Variants in SMG1 observed in about 807,000 individuals in gnomAD.
SMG1 encodes the protein SMG1 nonsense mediated mRNA decay associated PI3K related kinase, also known as serine/threonine-protein kinase SMG1.
SMG1 carries 22 observed loss-of-function variants against 419.9 expected under a neutral mutation model. The ratio of observed to expected loss-of-function variants is 0.05; its 90% CI spans 0.04 to 0.07. The LOEUF (loss-of-function observed/expected upper bound fraction) is 0.07, where lower values mean the gene tolerates loss of function less well. Among genes scored for constraint, SMG1 ranks in the 10% least tolerant of loss-of-function variants. The pLI, the probability that SMG1 is intolerant of heterozygous loss-of-function variation, is 1.00. For synonymous variants in SMG1, 1,538 were observed against 1,553.5 expected, an observed-to-expected ratio of 0.99 and a Z score of 0.23; for missense variants, 3,185 against 4,342.0, an observed-to-expected ratio of 0.73 and a Z score of 7.49.
chr16:18,904,035 T>G (rs904333319), intron 1 of SMG1, among the ~76,000 whole-genome samples: 19 of 149,872 alleles, frequency 1.3e-4, no homozygotes, highest in African/African-American at 4.2e-4. Context: ...CCTCCCGGAT[T>G]CACGCCATTC....
At chr16:18,827,455 C>G (rs894685652) in intron 55 of SMG1, among the ~76,000 whole-genome samples, 1 of 137,878 alleles carries the variant, frequency 7.3e-6, no homozygotes, top group Admixed American at 7.7e-5. Flanking sequence ...TATAAATATA[C>G]CTATATATAT....
intron 1 of SMG1, among the ~76,000 whole-genome samples, chr16:18,924,156 C>T (rs1371444606): frequency 2.0e-5 from 3 of 152,176 alleles, no homozygotes; most frequent in African/African-American, 7.2e-5. Context: ...TTCTTGTAAG[C>T]TCCTCCCTTC....
chr16:18,849,829 A>G (rs2034490670), intron 35 of SMG1, 120 bp downstream of exon 35: 1 of 937,444 alleles, frequency 1.1e-6, no homozygotes, highest in Non-Finnish European at 1.6e-6. Context: ...GTGTCCTAGG[A>G]AGTTAATCTG....
In SMG1 at chr16:18,809,558, T is replaced by C; in HGVS notation, c.*11A>G. ...ACCTCGCTTAACCAGACTCATCTAC[T>C]GTCTTGCCATTCACACCCAGGCTGT... On this transcript the variant is annotated 3_prime_UTR_variant, in exon 63 of 63. Coordinates refer to ENST00000446231, the MANE Select transcript of SMG1 (RefSeq NM_015092.5). 1 of 1,605,466 alleles carries C rather than the reference T, an allele frequency of 6.2e-7. No homozygotes were observed. The highest frequency in any genetic ancestry group is 8.5e-7 in the Non-Finnish European group (1 of 1,174,256).
At chr16:18,855,481 T>G (rs1357802605) in intron 29 of SMG1, among the ~76,000 whole-genome samples, 1 of 151,610 alleles carries the variant, frequency 6.6e-6, no homozygotes, top group African/African-American at 2.4e-5. Context: ...GAATCCCACC[T>G]GCCAACTGGT....
At chr16:18,918,403 C>G (rs960862934) in intron 1 of SMG1, among the ~76,000 whole-genome samples, 2 of 152,238 alleles carry the variant, frequency 1.3e-5, no homozygotes, top group East Asian at 3.9e-4. Flanking sequence ...TCTCTACACA[C>G]TGACAATTTG....
chr16:18,809,672 T>TA, intron 62 of SMG1, 26 bp from the exon 63 acceptor site: 2 of 1,513,406 alleles, frequency 1.3e-6, no homozygotes, highest in Non-Finnish European at 1.8e-6. Flanking sequence ...GGATAGTATG[T>TA]AAAGTCATTT....
intron 9 of SMG1, among the ~76,000 whole-genome samples, chr16:18,883,536 T>C (rs994326138): frequency 1.6e-4 from 24 of 152,262 alleles, no homozygotes; most frequent in Non-Finnish European, 3.1e-4. Context: ...ACCAAGAGTA[T>C]GTAAAGCTTT....
intron 42 of SMG1, among the ~76,000 whole-genome samples, 179 bp downstream of exon 42, chr16:18,839,519 C>T (rs2033786665): frequency 6.6e-6 from 1 of 152,090 alleles, no homozygotes; most frequent in Non-Finnish European, 1.5e-5. Flanking sequence ...CCCATCCTGC[C>T]CTCGGACACA....
chr16:18,837,186 T>C (rs2033631101), intron 46 of SMG1, 67 bp downstream of exon 46: 4 of 1,329,254 alleles, frequency 3.0e-6, no homozygotes, highest in Admixed American at 4.4e-5. Flanking sequence ...TCCATATTGA[T>C]GTTTACATGA....
In SMG1 at chr16:18,848,040, T is replaced by A. The variant is rs1374051535; in HGVS notation, c.5624-7A>T. 18 of 1,601,036 alleles carry A rather than the reference T, an allele frequency of 1.1e-5. No individual in the cohort carries two copies. In the East Asian group the frequency reaches 4.0e-4, roughly 36 times the overall value. On this transcript the variant is annotated splice_region_variant and splice_polypyrimidine_tract_variant and intron_variant, in intron 36 of 62. Transcript: ENST00000446231. ...GCAGTGGAAAATTTATTTCCTGTAA[T>A]GAAATAGGAGAACAAGGAATATTTT...
At position 18,834,983 on chromosome 16, in the gene SMG1, G is replaced by A. The variant is rs2033463097; in HGVS notation, c.8239C>T (p.Arg2747Cys). The A allele has an allele frequency of 5.0e-6, 8 of 1,613,908 alleles. No individual in the cohort carries two copies. Among genetic ancestry groups the A allele is most frequent in the South Asian group, 2.2e-5 (2 of 91,060 alleles). The change falls in exon 49 of 63, where the codon CGT becomes TGT. Residue 2747 changes from arginine to cysteine, a missense_variant. Transcript: ENST00000446231. ...VCEDQLKEIE[R>C]CIKVFLHENG... Reference sequence around the variant, plus strand: ...TCATGAAGGAAAACTTTAATGCAACGTTCAATTTCTTTCAACTGATCTTCA... The same window carrying A: ...TCATGAAGGAAAACTTTAATGCAACATTCAATTTCTTTCAACTGATCTTCA...
At chr16:18,852,015 A>G in intron 33 of SMG1, 52 bp downstream of exon 33, 1 of 1,535,226 alleles carries the variant, frequency 6.5e-7, no homozygotes, top group South Asian at 1.3e-5. Flanking sequence ...AATTTTCTCA[A>G]AATCAATGAT....
chr16:18,903,286 T>G (rs187914284), intron 1 of SMG1, among the ~76,000 whole-genome samples: 2 of 152,296 alleles, frequency 1.3e-5, no homozygotes, highest in African/African-American at 4.8e-5. Flanking sequence ...AGGAGGGCAG[T>G]AGATCTGATT....
chr16:18,837,400 G>A lies in SMG1; in HGVS notation c.7457C>T (p.Pro2486Leu). The change falls in exon 46 of 63, where the codon CCC becomes CTC. Residue 2486 changes from proline (P) to leucine (L), a missense_variant. By Grantham distance (98) the Pro-to-Leu change is moderately conservative. This residue lies in a region of SMG1 where 412 missense variants were observed against 546.6 expected (regional missense o/e 0.75). Transcript: ENST00000446231. ...TTCATCTAAGCTACCGTCCAACTTG[G>A]GAAGCACAACCAGCATCTCATCTCT... The part of the protein sequence containing the change: ...KNRDEMLVVL[P>L]KLDGSLDEYL... The A allele has an allele frequency of 1.2e-6, 2 of 1,613,764 alleles. No homozygotes were observed. Among genetic ancestry groups the A allele is most frequent in the Non-Finnish European group, 1.7e-6 (2 of 1,179,810 alleles).
intron 45 of SMG1, among the ~76,000 whole-genome samples, chr16:18,837,800 C>T (rs887013328): frequency 6.6e-6 from 1 of 152,144 alleles, no homozygotes; most frequent in African/African-American, 2.4e-5. Context: ...ATGAACCCAC[C>T]TCTTAGGAGT....
intron 48 of SMG1, 119 bp downstream of exon 48, chr16:18,835,814 G>A (rs1024371710): frequency 4.3e-6 from 4 of 929,770 alleles, no homozygotes; most frequent in South Asian, 1.7e-5. Context: ...CAGAGGAATT[G>A]CTTGAACCTC....
chr16:18,817,121 G>GGC (rs2032078403), intron 57 of SMG1, among the ~76,000 whole-genome samples, 170 bp downstream of exon 57: 1 of 48,916 alleles, frequency 2.0e-5, no homozygotes, highest in African/African-American at 5.9e-5. Flanking sequence ...TTCGGGGCGG[G>GGC]GGGGGGGGCG....
chr16:18,873,387 C>T lies in SMG1; in HGVS notation c.1891-763G>A, dbSNP rs563707640. Among the ~76,000 whole-genome samples the T allele has an allele frequency of 3.3e-5, 5 of 152,106 alleles. No individual in the cohort carries two copies. In the South Asian group the frequency reaches 1.0e-3, roughly 32 times the overall value. ...GGCGCCCATCACCATGCCCTGCTAA[C>T]TTTTGTATTTTTTTAGTAGAGATAG... On this transcript the variant is annotated intron_variant, in intron 13 of 62. Coordinates refer to ENST00000446231, the MANE Select transcript of SMG1 (RefSeq NM_015092.5).
Sources: allele counts gnomAD v4.1 joint callset (sites outside exome capture counted in the v4.1 genomes callset), GRCh38; gene constraint gnomAD v4.1.1; regional missense constraint gnomAD v4.1.1; transcripts MANE v1.5; gene names NCBI Gene and HGNC (gene_info 2026-07-23, HGNC 2026-07-21).